The following GALP variants were observed in gnomAD, a reference collection of about 807,000 sequenced individuals.
The protein encoded by GALP is galanin like peptide.
Under a neutral mutation model 15.2 loss-of-function variants are expected in GALP, and 12 were observed. That is an observed-to-expected ratio of 0.79 (90% CI 0.51 to 1.28). The LOEUF (loss-of-function observed/expected upper bound fraction) is 1.28, where lower values mean the gene tolerates loss of function less well. GALP is among the 50% of genes most tolerant of loss of function. GALP has a pLI of 0.00. For missense variants in GALP, 161 were observed against 145.6 expected (o/e 1.11, Z -0.55); for synonymous variants, 58 against 55.1 (o/e 1.05, Z -0.23).
rs143528120 is a variant in GALP at position 56,184,883 on chromosome 19, C to T, written c.296-332C>T. On this transcript the variant is annotated intron_variant, in intron 5 of 5. Coordinates refer to ENST00000357330, the MANE Select transcript of GALP (RefSeq NM_033106.4). ...GTACTGGACAATACTGGGTATGATA[C>T]GCTCCCTGAATTCACTAATTTCCAT... Among the ~76,000 whole-genome samples the T allele has an allele frequency of 4.9e-3, 748 of 152,260 alleles. 10 individuals carry two copies. The highest frequency in any genetic ancestry group is 0.017 in the African/African-American group (706 of 41,536).
At chr19:56,180,914 TC>T (rs57594215) in intron 3 of GALP, among the ~76,000 whole-genome samples, 17,282 of 58,362 alleles carry the variant, frequency 0.3, 3,083 homozygotes, top group East Asian at 0.38. Flanking sequence ...TTTCTTTCTT[TC>T]TTTTTTTTTT....
At position 56,177,135 on chromosome 19, in the gene GALP, C is replaced by A. The variant is rs147138255; in HGVS notation, c.27C>A (p.Val9=). Residue 9 remains valine (V), a synonymous_variant, in exon 2 of 6, where the codon GTC becomes GTA. Transcript: ENST00000357330. The part of the protein sequence containing the change: MAPPSVPL[V]LLLVLLLSLA... The stretch of plus-strand genomic sequence containing the variant: ...TGGCTCCTCCCTCCGTCCCCCTGGT[C>A]CTCCTCCTCGTCCTCTTGCTGAGCC... The A allele has an allele frequency of 6.2e-7, 1 of 1,613,498 alleles. No homozygotes were observed. The highest frequency in any genetic ancestry group is 1.1e-5 in the South Asian group (1 of 91,014).
chr19:56,182,152 C>T lies in GALP; in HGVS notation c.137-20C>T, dbSNP rs750188898. 3.8e-6 allele frequency: 6 copies of T among 1,587,196 alleles called. No individual in the cohort carries two copies. Among genetic ancestry groups the T allele is most frequent in the Admixed American group, 1.7e-5 (1 of 59,872 alleles). On this transcript the variant is annotated intron_variant, in intron 3 of 5. Transcript: ENST00000357330. ...CTACTTAACCGACCACCTGCTCTTG[C>T]TCTCTCCCTCCCTACCCAGTCCTCC...
Position 56,181,006 on chromosome 19 carries a change from C to A in GALP, c.136+372C>A, listed in dbSNP as rs537615924. Among the ~76,000 whole-genome samples, 10 of 149,312 alleles carry A rather than the reference C, an allele frequency of 6.7e-5. No individual in the cohort carries two copies. In the South Asian group the frequency reaches 2.1e-3, roughly 32 times the overall value. On this transcript the variant is annotated intron_variant, in intron 3 of 5. Coordinates refer to ENST00000357330, the MANE Select transcript of GALP (RefSeq NM_033106.4). ...ATGGTGCGATCTCAGCTCACTGCAA[C>A]CTCCGCCGCCCGAGTAGTTTAAGCG...
At chr19:56,180,239 G>A (rs1341880657) in intron 2 of GALP, among the ~76,000 whole-genome samples, 1 of 152,178 alleles carries the variant, frequency 6.6e-6, no homozygotes, top group Admixed American at 6.5e-5. Context: ...GTGCAACACC[G>A]TATTGCTGGC....
At chr19:56,182,133 A>C (rs759564236) in intron 3 of GALP, 39 bp from the exon 4 acceptor site, 576 of 1,430,996 alleles carry the variant, frequency 4.0e-4, no homozygotes, top group Non-Finnish European at 5.2e-4. Context: ...AGTTCTACTT[A>C]ACCGACCACC....
At position 56,185,517 on chromosome 19, in the gene GALP, G is replaced by T; in HGVS notation, c.*247G>T. The T allele has an allele frequency of 2.8e-6, 1 of 356,124 alleles. No homozygotes were observed. The highest frequency in any genetic ancestry group is 5.0e-6 in the Non-Finnish European group (1 of 199,896). 22.1% of individuals were successfully genotyped at this position (356,124 alleles called of 1,614,324 possible). A position where few individuals can be genotyped will look rare whatever the true frequency, so the allele number is the denominator to read the frequency against. On this transcript the variant is annotated 3_prime_UTR_variant, in exon 6 of 6. Transcript: ENST00000357330. The stretch of plus-strand genomic sequence containing the variant: ...ATAGTAATTCGAGGACTAGTTGGGA[G>T]ATTCTGGGGTAATCAGGGAATATTC...
chr19:56,180,701 T>A lies in GALP; in HGVS notation c.136+67T>A, dbSNP rs1029333153. The A allele has an allele frequency of 4.5e-6, 6 of 1,342,972 alleles. No individual in the cohort carries two copies. The African/African-American group carries it at 5.8e-5, about 13-fold the overall frequency. The allele number at this position is 1,342,972 out of a possible 1,614,324, so 83.2% of individuals were successfully genotyped here. ...CTGCCTGGTTGCTGCAGGCAGTGAGTTTGTGGCTTGTAAAGACCCTCACCC... is the reference window on the plus strand; with the variant it reads ...CTGCCTGGTTGCTGCAGGCAGTGAGATTGTGGCTTGTAAAGACCCTCACCC... On this transcript the variant is annotated intron_variant, in intron 3 of 5. Transcript: ENST00000357330.
chr19:56,184,064 T>G (rs2032613485), intron 5 of GALP, among the ~76,000 whole-genome samples: 1 of 151,662 alleles, frequency 6.6e-6, no homozygotes, highest in Admixed American at 6.6e-5. Context: ...CAAGCGATTC[T>G]CCTGCCTCAG....
At chr19:56,178,052 G>A (rs1470790265) in intron 2 of GALP, among the ~76,000 whole-genome samples, 2 of 151,956 alleles carry the variant, frequency 1.3e-5, no homozygotes, top group Admixed American at 6.6e-5. Context: ...AAAAAGCTAA[G>A]CACATGACGT....
At chr19:56,180,449 G>A (rs998914475) in intron 2 of GALP, 137 bp from the exon 3 acceptor site, 23 of 671,150 alleles carry the variant, frequency 3.4e-5, no homozygotes, top group South Asian at 1.1e-4. Context: ...TTTCCTCATC[G>A]GTGCAATGGG....
chr19:56,177,264 A>T (rs1407082498), intron 2 of GALP, 69 bp downstream of exon 2: 2 of 1,315,966 alleles, frequency 1.5e-6, no homozygotes, highest in African/African-American at 2.9e-5. Flanking sequence ...AAGAGTTTTT[A>T]AAAATGCTTC....
At chr19:56,178,523 A>ACAAC (rs1555785960) in intron 2 of GALP, among the ~76,000 whole-genome samples, 1 of 110,180 alleles carries the variant, frequency 9.1e-6, no homozygotes, top group South Asian at 2.5e-4. Flanking sequence ...AACAACAACA[A>ACAAC]AAAAAAAAAA....
chr19:56,183,103 C>T lies in GALP; in HGVS notation c.218-32C>T, dbSNP rs138776948. ...TTTAGCTCCCACTTGTAACTACGAA[C>T]GTGTGTGTGAATGTTGTATTTTTGT... is the stretch of plus-strand genomic sequence containing the variant. On this transcript the variant is annotated intron_variant, in intron 4 of 5. Coordinates refer to ENST00000357330, the MANE Select transcript of GALP (RefSeq NM_033106.4). The T allele has an allele frequency of 2.8e-4, 406 of 1,469,758 alleles. No homozygotes were observed. The African/African-American group carries it at 5.1e-3, about 18-fold the overall frequency. 91.0% of individuals were successfully genotyped at this position (1,469,758 alleles called of 1,614,324 possible). A position where few individuals can be genotyped will look rare whatever the true frequency, so the allele number is the denominator to read the frequency against.
intron 2 of GALP, among the ~76,000 whole-genome samples, chr19:56,179,642 T>C (rs994686829): frequency 4.0e-4 from 33 of 82,780 alleles, no homozygotes; most frequent in East Asian, 2.0e-3. Flanking sequence ...GAGCCTCTCT[T>C]TTTTTTTTTT....
chr19:56,183,501 C>T (rs991645700), intron 5 of GALP, among the ~76,000 whole-genome samples: 1 of 152,194 alleles, frequency 6.6e-6, no homozygotes, highest in African/African-American at 2.4e-5. Flanking sequence ...ACCCCACACC[C>T]AACCTTGATC....
intron 3 of GALP, among the ~76,000 whole-genome samples, chr19:56,180,860 C>A (rs2032551804): frequency 6.6e-6 from 1 of 150,726 alleles, no homozygotes; most frequent in South Asian, 2.1e-4. Context: ...TGGTTTGCAA[C>A]CTTGATCTCT....
chr19:56,185,341 A>T lies in GALP; in HGVS notation c.*71A>T. The T allele has an allele frequency of 1.1e-6, 1 of 888,682 alleles. No homozygotes were observed. Among genetic ancestry groups the T allele is most frequent in the South Asian group, 1.5e-5 (1 of 66,238 alleles). 55.0% of individuals were successfully genotyped at this position (888,682 alleles called of 1,614,324 possible). ...GCTCCCTCTGAAACCTTTTCTAGGT[A>T]CCCTATGCTGAGACTAAGATCCTGA... On this transcript the variant is annotated 3_prime_UTR_variant, in exon 6 of 6. Coordinates refer to ENST00000357330, the MANE Select transcript of GALP (RefSeq NM_033106.4).
Position 56,182,264 on chromosome 19 carries a change from G to A in GALP, c.217+12G>A, listed in dbSNP as rs757877490. The A allele has an allele frequency of 6.2e-7, 1 of 1,603,760 alleles. No individual in the cohort carries two copies. Among genetic ancestry groups the A allele is most frequent in the Admixed American group, 1.7e-5 (1 of 59,974 alleles). ...GTGGAAGGCCATCGGTGAGTGAGCG[G>A]GGAGTTAGACGTCTTCTCCTGCGTC... On this transcript the variant is annotated intron_variant, in intron 4 of 5. Coordinates refer to ENST00000357330, the MANE Select transcript of GALP (RefSeq NM_033106.4).
Sources: allele counts gnomAD v4.1 joint callset (sites outside exome capture counted in the v4.1 genomes callset), GRCh38; gene constraint gnomAD v4.1.1; transcripts MANE v1.5; gene names NCBI Gene and HGNC (gene_info 2026-07-23, HGNC 2026-07-21).